Variants in LYRM7 observed in about 807,000 individuals in gnomAD.
LYRM7 encodes the protein LYR motif containing 7, also known as complex III assembly factor LYRM7.
A neutral mutation model predicts 15.8 loss-of-function variants in LYRM7; 9 were observed. The ratio of observed to expected loss-of-function variants is 0.57; its 90% CI spans 0.34 to 0.99. The LOEUF (loss-of-function observed/expected upper bound fraction) is 0.99, where lower values mean the gene tolerates loss of function less well. Ranked by LOEUF, LYRM7 falls within the 50% of genes least tolerant of loss-of-function variation. The pLI is 0.02. For synonymous variants in LYRM7, 39 were observed against 39.4 expected, an observed-to-expected ratio of 0.99 and a Z score of 0.04; for missense variants, 115 against 119.1, an observed-to-expected ratio of 0.97 and a Z score of 0.16.
intron 2 of LYRM7, among the ~76,000 whole-genome samples, chr5:131,180,725 G>A (rs1307038289): frequency 2.0e-5 from 3 of 151,952 alleles, no homozygotes; most frequent in Non-Finnish European, 4.4e-5. Context: ...CTGTTTCCAG[G>A]GATTTAAGTT....
intron 4 of LYRM7, among the ~76,000 whole-genome samples, chr5:131,188,841 C>A (rs1365420295): frequency 2.3e-4 from 35 of 152,098 alleles, no homozygotes; most frequent in Admixed American, 2.3e-3. Flanking sequence ...TTCTCCTGTG[C>A]TTTCTTCCAA....
chr5:131,170,991 C>G lies in LYRM7; in HGVS notation c.-30C>G, dbSNP rs1243680259. The G allele has an allele frequency of 1.9e-6, 3 of 1,539,736 alleles. No homozygotes were observed. Among genetic ancestry groups the G allele is most frequent in the African/African-American group, 2.8e-5 (2 of 70,230 alleles). ...TGAGAGGCGGGGCTACTCGACTGCTCTGGAGGTAGCGGCCGCGGTGAGGAG... is the reference window on the plus strand; with the variant it reads ...TGAGAGGCGGGGCTACTCGACTGCTGTGGAGGTAGCGGCCGCGGTGAGGAG... On this transcript the variant is annotated 5_prime_UTR_variant, in exon 1 of 5. Transcript: ENST00000379380.
chr5:131,191,837 G>A (rs893052690), intron 4 of LYRM7, among the ~76,000 whole-genome samples: 7 of 151,988 alleles, frequency 4.6e-5, no homozygotes, highest in Admixed American at 6.6e-5. Context: ...CAGTATAGAG[G>A]TTCCTCAAAA....
At chr5:131,181,403 A>AT (rs1280810001) in intron 2 of LYRM7, among the ~76,000 whole-genome samples, 5 of 116,862 alleles carry the variant, frequency 4.3e-5, no homozygotes, top group South Asian at 2.3e-4. Context: ...TATATTATAT[A>AT]TACATATATA....
chr5:131,198,443 T>G (rs1756005345), intron 4 of LYRM7, among the ~76,000 whole-genome samples: 1 of 152,234 alleles, frequency 6.6e-6, no homozygotes, highest in Non-Finnish European at 1.5e-5. Flanking sequence ...CCATGATGTT[T>G]TGAAAAGTAT....
At chr5:131,183,490 G>A (rs910945199) in intron 3 of LYRM7, among the ~76,000 whole-genome samples, 1 of 152,102 alleles carries the variant, frequency 6.6e-6, no homozygotes, top group South Asian at 2.1e-4. Context: ...TTTATATCAA[G>A]TAAACTGGGA....
At chr5:131,195,035 G>A (rs1755941724) in intron 4 of LYRM7, among the ~76,000 whole-genome samples, 1 of 152,102 alleles carries the variant, frequency 6.6e-6, no homozygotes, top group South Asian at 2.1e-4. Context: ...AGGCTGAGGT[G>A]GGCAGATCAC....
At position 131,202,002 on chromosome 5, in the gene LYRM7, T is replaced by G. The variant is rs957399204; in HGVS notation, c.*2401T>G. On this transcript the variant is annotated 3_prime_UTR_variant, in exon 5 of 5. Coordinates refer to ENST00000379380, the MANE Select transcript of LYRM7 (RefSeq NM_181705.4). Reference sequence around the variant, plus strand: ...GTATGCGCCACCACACCTAGCTATTTTTTTTATTTTTAGTAAGGACAAGGT... The same window carrying G: ...GTATGCGCCACCACACCTAGCTATTGTTTTTATTTTTAGTAAGGACAAGGT... The G allele has an allele frequency of 1.3e-5, 2 of 151,984 alleles. No homozygotes were observed. The highest frequency in any genetic ancestry group is 2.9e-5 in the Non-Finnish European group (2 of 68,000). The allele number at this position is 151,984 out of a possible 1,614,324, so 9.4% of individuals were successfully genotyped here. A position where few individuals can be genotyped will look rare whatever the true frequency, so the allele number is the denominator to read the frequency against.
At chr5:131,181,823 CTG>C (rs1159260045) in intron 2 of LYRM7, among the ~76,000 whole-genome samples, 1 of 152,006 alleles carries the variant, frequency 6.6e-6, no homozygotes, top group African/African-American at 2.4e-5. Flanking sequence ...CTGCCAATCT[CTG>C]TGTATGTGTG....
chr5:131,189,923 A>G (rs1256318316), intron 4 of LYRM7, among the ~76,000 whole-genome samples: 2 of 152,038 alleles, frequency 1.3e-5, no homozygotes, highest in East Asian at 3.9e-4. Flanking sequence ...ACCTGAGCTC[A>G]GGAGTTTGAG....
intron 1 of LYRM7, among the ~76,000 whole-genome samples, chr5:131,175,197 C>CTTTTT (rs59140330): frequency 1.6e-5 from 2 of 125,626 alleles, no homozygotes; most frequent in African/African-American, 6.5e-5. Context: ...GCTTCAATCT[C>CTTTTT]TTTTTTTTTT....
chr5:131,180,247 A>ATTCCCTAAAATGGGTCTTG, intron 2 of LYRM7, 80 bp downstream of exon 2: 1 of 955,716 alleles, frequency 1.0e-6, no homozygotes, highest in Non-Finnish European at 1.6e-6. Flanking sequence ...CTGTGTGGTC[A>ATTCCCTAAAATGGGTCTTG]AGACCCATTT....
At chr5:131,173,284 A>G (rs1189456831) in intron 1 of LYRM7, among the ~76,000 whole-genome samples, 1 of 152,190 alleles carries the variant, frequency 6.6e-6, no homozygotes, top group African/African-American at 2.4e-5. Context: ...ACATTTTTAG[A>G]TACAGGCATA....
rs71000974 is a variant in LYRM7 at position 131,181,302 on chromosome 5, A to ATATATATATATATATAT, written c.92-927_92-926insTATATATATATATATAT. 3.4e-4 allele frequency among the ~76,000 whole-genome samples: 3 copies of ATATATATATATATATAT among 8,770 alleles called. 1 individual carries two copies. The highest frequency in any genetic ancestry group is 1.0e-3 in the Non-Finnish European group (3 of 2,990). 5.8% of individuals were successfully genotyped at this position (8,770 alleles called of 152,430 possible). On this transcript the variant is annotated intron_variant, in intron 2 of 4. Transcript: ENST00000379380. Reference sequence around the variant, plus strand: ...AAAAAAAAAAAAAAAAAAAAAAAAAAATATATATATATATACACACACACA... The same window carrying ATATATATATATATATAT: ...AAAAAAAAAAAAAAAAAAAAAAAAAATATATATATATATATATATATATATATATATACACACACACA...
Position 131,202,774 on chromosome 5 carries a change from G to C in LYRM7, c.*3173G>C, listed in dbSNP as rs1756096397. 6.6e-6 allele frequency: 1 copy of C among 152,322 alleles called. No homozygotes were observed. The highest frequency in any genetic ancestry group is 1.5e-5 in the Non-Finnish European group (1 of 68,030). The allele number at this position is 152,322 out of a possible 1,614,324, so 9.4% of individuals were successfully genotyped here. The stretch of plus-strand genomic sequence containing the variant: ...ATTTTGCTTTGACTATTGAGATCTA[G>C]TGAAAGTGGGGTATATGAATTCTAA... On this transcript the variant is annotated 3_prime_UTR_variant, in exon 5 of 5. Coordinates refer to ENST00000379380, the MANE Select transcript of LYRM7 (RefSeq NM_181705.4).
In LYRM7 at chr5:131,204,794, A is replaced by G. The variant is rs1756147885; in HGVS notation, c.*5193A>G. ...TGTTGCTAGAAATTCACTTATATAC[A>G]AGAAAACTTTTTGTGTACATATTTG... On this transcript the variant is annotated 3_prime_UTR_variant, in exon 5 of 5. Transcript: ENST00000379380. The G allele has an allele frequency of 6.6e-6, 1 of 152,146 alleles. No homozygotes were observed. The highest frequency in any genetic ancestry group is 1.5e-5 in the Non-Finnish European group (1 of 67,996). 9.4% of individuals were successfully genotyped at this position (152,146 alleles called of 1,614,324 possible).
At chr5:131,193,160 C>A (rs1755911682) in intron 4 of LYRM7, among the ~76,000 whole-genome samples, 1 of 152,188 alleles carries the variant, frequency 6.6e-6, no homozygotes, top group Non-Finnish European at 1.5e-5. Flanking sequence ...TTTTAAACTT[C>A]TGCCTTTTGG....
chr5:131,187,853 C>T (rs969565112), intron 4 of LYRM7, among the ~76,000 whole-genome samples: 1 of 152,068 alleles, frequency 6.6e-6, no homozygotes, highest in Non-Finnish European at 1.5e-5. Flanking sequence ...GAGGATCCTC[C>T]ATCATATCTC....
At chr5:131,180,304 T>G in intron 2 of LYRM7, 137 bp downstream of exon 2, 1 of 516,682 alleles carries the variant, frequency 1.9e-6, no homozygotes. Context: ...TTATAAAGAT[T>G]AGCTTATATT....
Sources: gnomAD v4.1 joint callset for allele counts (sites outside exome capture counted in the v4.1 genomes callset) on GRCh38, gnomAD v4.1.1 for gene constraint, MANE v1.5 for transcripts, NCBI Gene and HGNC (gene_info 2026-07-23, HGNC 2026-07-21) for gene names.